TBC1D8: variants seen among roughly 807,000 people sequenced by gnomAD.
TBC1D8 encodes BUB2-like protein 1.
Under a neutral mutation model 118.8 loss-of-function variants are expected in TBC1D8, and 65 were observed. The observed-to-expected ratio is 0.55, with a 90% CI of 0.45 to 0.67. TBC1D8 has a LOEUF of 0.67. TBC1D8 is among the 30% of genes least tolerant of loss of function. TBC1D8 has a pLI of 0.00. For synonymous variants in TBC1D8, 566 were observed against 595.8 expected (o/e 0.95, Z 0.73); for missense variants, 1,376 against 1,471.2 (o/e 0.94, Z 1.06).
At chr2:101,096,559 A>C (rs954370220) in intron 1 of TBC1D8, among the ~76,000 whole-genome samples, 5 of 152,118 alleles carry the variant, frequency 3.3e-5, no homozygotes, top group African/African-American at 1.2e-4. Flanking sequence ...TGCAATAAAT[A>C]AGGGCTCTAA....
chr2:101,032,346 T>G lies in TBC1D8; in HGVS notation c.1858A>C (p.Lys620Gln), dbSNP rs745506596. 6.2e-7 allele frequency: 1 copy of G among 1,613,662 alleles called. No individual in the cohort carries two copies. Among genetic ancestry groups the G allele is most frequent in the East Asian group, 2.2e-5 (1 of 44,866 alleles). Residue 620 changes from lysine (K) to glutamine (Q), a missense_variant, in exon 11 of 20, where the codon AAG (lysine) becomes CAG (glutamine). Transcript: ENST00000409318. ...ILTSVLLLYT[K>Q]EEEAFWLLVA... ...AACAGCCAGAAGGCTTCCTCCTCCT[T>G]GGTGTACAGCAGCAGCACGGAGGTC...
intron 18 of TBC1D8, 59 bp downstream of exon 18, chr2:101,011,392 G>A: frequency 6.4e-7 from 1 of 1,559,356 alleles, no homozygotes; most frequent in Non-Finnish European, 8.8e-7. Flanking sequence ...GGCAACCCCG[G>A]TGCCTCCCGC....
chr2:101,016,419 AAAC>A (rs1292869069), intron 17 of TBC1D8, among the ~76,000 whole-genome samples: 1 of 152,086 alleles, frequency 6.6e-6, no homozygotes, highest in African/African-American at 2.4e-5. Flanking sequence ...AAAAGTCAGG[AAAC>A]AACAGGTGCT....
intron 4 of TBC1D8, 63 bp downstream of exon 4, chr2:101,054,045 G>T: frequency 6.9e-7 from 1 of 1,453,018 alleles, no homozygotes; most frequent in South Asian, 1.3e-5. Flanking sequence ...GGCCCTTCCT[G>T]GGAGCAGCGC....
At chr2:101,149,993 TGCA>T (rs1679486459) in intron 1 of TBC1D8, among the ~76,000 whole-genome samples, 1 of 152,196 alleles carries the variant, frequency 6.6e-6, no homozygotes, top group South Asian at 2.1e-4. Context: ...GCTCCCTCCA[TGCA>T]GCAACCTGCC....
chr2:101,072,250 G>A (rs1325103412), intron 2 of TBC1D8, among the ~76,000 whole-genome samples: 1 of 152,200 alleles, frequency 6.6e-6, no homozygotes, highest in Non-Finnish European at 1.5e-5. Context: ...CAGTTCTGCA[G>A]GCTATATGGA....
Position 101,054,193 on chromosome 2 carries a change from A to T in TBC1D8, c.546T>A (p.Cys182Ter), listed in dbSNP as rs773960848. 5 of 1,613,172 alleles carry T rather than the reference A, an allele frequency of 3.1e-6. No homozygotes were observed. The highest frequency in any genetic ancestry group is 2.7e-5 in the African/African-American group (2 of 74,920). Reference protein sequence around the residue: ...EKLVTYYSCCCWKGRVPRQGW... With the variant: ...EKLVTYYSCC The stretch of plus-strand genomic sequence containing the variant: ...CCTGGCGGGGCACCCTGCCCTTCCA[A>T]CAGCAGCAGGAGTAGTAGGTGACCA... The change falls in exon 4 of 20, where the codon TGT becomes TGA. Residue 182 changes from cysteine to a stop codon, truncating the protein, a stop_gained. Coordinates refer to ENST00000409318, the MANE Select transcript of TBC1D8 (RefSeq NM_001330348.2). LOFTEE classifies it high-confidence loss of function.
intron 1 of TBC1D8, among the ~76,000 whole-genome samples, chr2:101,140,428 A>AG (rs1210550359): frequency 6.6e-6 from 1 of 152,218 alleles, no homozygotes; most frequent in Non-Finnish European, 1.5e-5. Flanking sequence ...GAGGACAAAT[A>AG]GCTGACACAC....
In TBC1D8 at chr2:101,029,658, G is replaced by A; in HGVS notation, c.2055C>T (p.Thr685=). Residue 685 remains threonine, a synonymous_variant, in exon 12 of 20, where the codon ACC becomes ACT. Transcript: ENST00000409318. ...LASVSLSWFL[T]LFLSIMPLES... ...CTAGAGGCATGATGCTGAGGAACAG[G>A]GTCAGGAACCACGAGAGAGAGACGG... 1.2e-6 allele frequency: 2 copies of A among 1,613,998 alleles called. No individual in the cohort carries two copies. The highest frequency in any genetic ancestry group is 1.7e-6 in the Non-Finnish European group (2 of 1,179,898).
intron 2 of TBC1D8, among the ~76,000 whole-genome samples, chr2:101,064,702 G>A (rs1005110153): frequency 2.6e-5 from 4 of 152,156 alleles, no homozygotes; most frequent in African/African-American, 9.7e-5. Flanking sequence ...CCTCAGGTAA[G>A]ACCACATAAC....
At chr2:101,030,332 G>A (rs1182607307) in intron 11 of TBC1D8, among the ~76,000 whole-genome samples, 2 of 152,102 alleles carry the variant, frequency 1.3e-5, no homozygotes, top group Admixed American at 1.3e-4. Context: ...TTAGTAAGAA[G>A]GTAACAACCA....
intron 3 of TBC1D8, among the ~76,000 whole-genome samples, chr2:101,054,672 C>CTTTTT (rs34465252): frequency 2.8e-3 from 72 of 25,396 alleles, no homozygotes; most frequent in South Asian, 4.3e-3. Flanking sequence ...CTTTTCTTTT[C>CTTTTT]TTTTTTTTTT....
At chr2:101,091,561 C>T (rs1455327977) in intron 1 of TBC1D8, among the ~76,000 whole-genome samples, 2 of 151,734 alleles carry the variant, frequency 1.3e-5, no homozygotes, top group African/African-American at 4.8e-5. Flanking sequence ...CTCATCTCTA[C>T]AGAAAATTAA....
intron 1 of TBC1D8, among the ~76,000 whole-genome samples, chr2:101,090,780 T>G (rs1340019050): frequency 6.6e-6 from 1 of 152,222 alleles, no homozygotes. Context: ...GATTCCTTGT[T>G]GGTGAAATAA....
chr2:101,086,347 T>A (rs1345852109), intron 2 of TBC1D8, among the ~76,000 whole-genome samples: 1 of 152,126 alleles, frequency 6.6e-6, no homozygotes, highest in African/African-American at 2.4e-5. Context: ...AAAAGTTAAA[T>A]GAAATGTAAA....
chr2:101,067,213 G>T (rs1273186671), intron 2 of TBC1D8, among the ~76,000 whole-genome samples: 2 of 152,164 alleles, frequency 1.3e-5, no homozygotes, highest in Non-Finnish European at 2.9e-5. Flanking sequence ...TTAAAATAAT[G>T]AATCCTCCTC....
intron 3 of TBC1D8, among the ~76,000 whole-genome samples, chr2:101,054,682 T>C (rs1282092666): frequency 2.3e-4 from 29 of 126,472 alleles, no homozygotes; most frequent in African/African-American, 8.8e-4. Flanking sequence ...CTTTTTTTTT[T>C]TTTTTTTTTT....
chr2:101,015,378 T>C (rs1400220287), intron 17 of TBC1D8, among the ~76,000 whole-genome samples: 1 of 152,198 alleles, frequency 6.6e-6, no homozygotes, highest in African/African-American at 2.4e-5. Context: ...TGCCATAGAC[T>C]TTATAAACAC....
intron 10 of TBC1D8, chr2:101,032,655 G>A (rs1680741393): frequency 2.6e-6 from 1 of 381,592 alleles, no homozygotes; most frequent in Non-Finnish European, 4.8e-6. Flanking sequence ...TCTTAAGGTT[G>A]GTTTAAATCC....
Sources: gnomAD v4.1 joint callset for allele counts (sites outside exome capture counted in the v4.1 genomes callset) on GRCh38, gnomAD v4.1.1 for gene constraint, MANE v1.5 for transcripts, NCBI Gene and HGNC (gene_info 2026-07-23, HGNC 2026-07-21) for gene names.